Variants in LRRC8E observed in about 807,000 individuals in gnomAD.
LRRC8E encodes the protein leucine rich repeat containing 8 VRAC subunit E.
In LRRC8E, 6 loss-of-function variants were observed where a neutral mutation model predicts 6.1. That is an observed-to-expected ratio of 0.98 (90% confidence interval 0.54 to 1.93). The LOEUF is 1.93. Ranked by LOEUF, LRRC8E falls within the 30% of genes most tolerant of loss-of-function variation. The pLI is 0.01. For missense variants in LRRC8E, 1,028 were observed against 1,031.4 expected (o/e 1.00, Z 0.04); for synonymous variants, 485 against 472.8 (o/e 1.03, Z -0.33).
intron 2 of LRRC8E, 117 bp from the exon 3 acceptor site, chr19:7,898,544 A>C (rs1981727198): frequency 1.2e-6 from 1 of 854,866 alleles, no homozygotes; most frequent in Admixed American, 2.3e-5. Flanking sequence ...TTTTTAGTAG[A>C]GACAGGGTTT....
intron 1 of LRRC8E, among the ~76,000 whole-genome samples, chr19:7,890,511 C>T (rs986770551): frequency 3.3e-4 from 50 of 151,948 alleles, no homozygotes; most frequent in Admixed American, 2.1e-3. Flanking sequence ...CTGCTTCAGC[C>T]GGGCACGGTG....
chr19:7,891,541 G>GTGTGTGTA (rs1224502466), intron 1 of LRRC8E, among the ~76,000 whole-genome samples: 1 of 128,348 alleles, frequency 7.8e-6, no homozygotes, highest in Non-Finnish European at 1.8e-5. Flanking sequence ...GTGTGTGTGT[G>GTGTGTGTA]TGTGTTTGTG....
Position 7,899,935 on chromosome 19 carries a change from C to G in LRRC8E, c.1413C>G (p.Pro471=). 2 of 1,608,762 alleles carry G rather than the reference C, an allele frequency of 1.2e-6. No individual in the cohort carries two copies. The highest frequency in any genetic ancestry group is 1.7e-6 in the Non-Finnish European group (2 of 1,179,954). ...AGGAGCTCAGCTTGCTCCACTCGCC[C>G]GCCAGGCTACCCTTCTCCTTGCAGG... ...HLQELSLLHS[P]ARLPFSLQVF... Residue 471 remains proline, a synonymous_variant, in exon 3 of 3, where the codon CCC becomes CCG. Coordinates refer to ENST00000306708, the MANE Select transcript of LRRC8E (RefSeq NM_025061.6).
At position 7,895,683 on chromosome 19, in the gene LRRC8E, T is replaced by C; in HGVS notation, c.80T>C (p.Leu27Pro). The change falls in exon 2 of 3, where the codon CTG (leucine) becomes CCG (proline). Residue 27 changes from leucine (L) to proline (P), a missense_variant. By Grantham distance (98) the Leu-to-Pro change is moderately conservative. Coordinates refer to ENST00000306708, the MANE Select transcript of LRRC8E (RefSeq NM_025061.6). This position sits in a 1 kb window ranked among gnomAD's most constrained non-coding sequence, Gnocchi z 4.7. ...GTGCTCAAACCCTGGTGGGACGTGCTGGCCGAGTACCTCACCGTGGCCATG... is the reference window on the plus strand; with the variant it reads ...GTGCTCAAACCCTGGTGGGACGTGCCGGCCGAGTACCTCACCGTGGCCATG... ...FKVLKPWWDV[L>P]AEYLTVAMLM... is the part of the protein sequence containing the mutation. 6.2e-7 allele frequency: 1 copy of C among 1,614,122 alleles called. No homozygotes were observed. Among genetic ancestry groups the C allele is most frequent in the Non-Finnish European group, 8.5e-7 (1 of 1,179,974 alleles).
intron 2 of LRRC8E, among the ~76,000 whole-genome samples, chr19:7,898,080 C>T (rs531949450): frequency 2.8e-4 from 43 of 151,930 alleles, no homozygotes; most frequent in East Asian, 9.7e-4. Flanking sequence ...CGTGGTAGTG[C>T]GTGCTTGTAG....
In LRRC8E at chr19:7,900,612, T is replaced by C. The variant is rs746693332; in HGVS notation, c.2090T>C (p.Leu697Pro). The change falls in exon 3 of 3, where the codon CTC (leucine) becomes CCC (proline). Residue 697 changes from leucine (L) to proline (P), a missense_variant. By Grantham distance (98) the Leu-to-Pro change is moderately conservative. Coordinates refer to ENST00000306708, the MANE Select transcript of LRRC8E (RefSeq NM_025061.6). The surrounding 1 kb of genome is among the most constrained non-coding windows in gnomAD (Gnocchi z 5.0). The stretch of plus-strand genomic sequence containing the variant: ...CACTCCCTGCCACCCGAGGTGGGCC[T>C]CCTGCAGAACCTACAGCACCTGGCC... ...GLHSLPPEVGLLQNLQHLALS... is the reference protein window; with the variant it reads ...GLHSLPPEVGPLQNLQHLALS... The C allele has an allele frequency of 3.7e-6, 6 of 1,613,330 alleles. No individual in the cohort carries two copies. The Admixed American group carries it at 8.3e-5, about 22-fold the overall frequency.
In LRRC8E at chr19:7,899,984, G is replaced by A. The variant is rs369029634; in HGVS notation, c.1462G>A (p.Val488Met). 40 of 1,609,512 alleles carry A rather than the reference G, an allele frequency of 2.5e-5. No homozygotes were observed. The highest frequency in any genetic ancestry group is 3.3e-5 in the Non-Finnish European group (39 of 1,179,736). ...LQVFLRDHLK[V>M]MRVKCEELRE... is the part of the protein sequence containing the mutation. ...GGTCTTCCTGCGGGACCACCTGAAG[G>A]TGATGCGCGTCAAATGCGAGGAGCT... The change falls in exon 3 of 3, where the codon GTG becomes ATG. Residue 488 changes from valine (V) to methionine (M), a missense_variant. Coordinates refer to ENST00000306708, the MANE Select transcript of LRRC8E (RefSeq NM_025061.6).
chr19:7,890,524 G>C (rs920082289), intron 1 of LRRC8E, among the ~76,000 whole-genome samples: 2 of 151,916 alleles, frequency 1.3e-5, no homozygotes, highest in African/African-American at 4.8e-5. Flanking sequence ...GCACGGTGGC[G>C]CACGCCTGTA....
intron 2 of LRRC8E, among the ~76,000 whole-genome samples, chr19:7,896,237 AC>A (rs1389490245): frequency 7.0e-6 from 1 of 143,822 alleles, no homozygotes; most frequent in Non-Finnish European, 1.5e-5. Context: ...ACTGCACCTG[AC>A]CCTTTCTTTT....
Position 7,900,960 on chromosome 19 carries a change from C to T in LRRC8E, c.*47C>T, listed in dbSNP as rs573789777. 129 of 1,446,790 alleles carry T rather than the reference C, an allele frequency of 8.9e-5. No individual in the cohort carries two copies. The highest frequency in any genetic ancestry group is 5.0e-4 in the Middle Eastern group (2 of 4,014). The allele number at this position is 1,446,790 out of a possible 1,614,324, so 89.6% of individuals were successfully genotyped here. A position where few individuals can be genotyped will look rare whatever the true frequency, so the allele number is the denominator to read the frequency against. Reference sequence around the variant, plus strand: ...GGTAGAGCCTTAAAAATGCTTCTGCCCTGGAATCTCAACCATTGTCTTCCA... The same window carrying T: ...GGTAGAGCCTTAAAAATGCTTCTGCTCTGGAATCTCAACCATTGTCTTCCA... On this transcript the variant is annotated 3_prime_UTR_variant, in exon 3 of 3. Transcript: ENST00000306708. This position sits in a 1 kb window ranked among gnomAD's most constrained non-coding sequence, Gnocchi z 5.0.
Position 7,900,232 on chromosome 19 carries a change from C to T in LRRC8E, c.1710C>T (p.Ala570=). 1 of 1,613,226 alleles carries T rather than the reference C, an allele frequency of 6.2e-7. No homozygotes were observed. Among genetic ancestry groups the T allele is most frequent in the Non-Finnish European group, 8.5e-7 (1 of 1,180,026 alleles). Residue 570 remains alanine (A), a synonymous_variant, in exon 3 of 3, where the codon GCC becomes GCT. Transcript: ENST00000306708. This position sits in a 1 kb window ranked among gnomAD's most constrained non-coding sequence, Gnocchi z 5.0. ...GGCTCAGCCTGCACAACGATGGGGCCCGTCTGGTTGCCCTGAACAGCCTCA... is the reference window on the plus strand; with the variant it reads ...GGCTCAGCCTGCACAACGATGGGGCTCGTCTGGTTGCCCTGAACAGCCTCA... The part of the protein sequence containing the change: ...LQRLSLHNDG[A]RLVALNSLKK...
rs1338628874 is a variant in LRRC8E, at chr19:7,900,817, C to A, written c.2295C>A (p.Gly765=). 6.3e-7 allele frequency: 1 copy of A among 1,595,068 alleles called. No homozygotes were observed. The highest frequency in any genetic ancestry group is 1.1e-5 in the South Asian group (1 of 89,266). Residue 765 remains glycine, a synonymous_variant, in exon 3 of 3, where the codon GGC becomes GGA. Coordinates refer to ENST00000306708, the MANE Select transcript of LRRC8E (RefSeq NM_025061.6). The surrounding 1 kb of genome is among the most constrained non-coding windows in gnomAD (Gnocchi z 5.0). ...NRLEALPEEL[G]NCGGLKKAGL... The stretch of plus-strand genomic sequence containing the variant: ...TAGAGGCGCTGCCAGAAGAACTTGG[C>A]AACTGTGGGGGGCTCAAGAAGGCGG...
rs1444704663 is a variant in LRRC8E, at chr19:7,899,580, T to TG, written c.1063dup (p.Asp355GlyfsTer4). ...CGTTCCGTGCGGGAGGAGACTGGCA[T>TG]GGGGGACATTCCTGACGTCAAGAAT... On this transcript the variant is annotated frameshift_variant, in exon 3 of 3. Coordinates refer to ENST00000306708, the MANE Select transcript of LRRC8E (RefSeq NM_025061.6). LOFTEE classifies it low-confidence loss of function (END_TRUNC). 1.2e-6 allele frequency: 2 copies of TG among 1,613,704 alleles called. No individual in the cohort carries two copies. The highest frequency in any genetic ancestry group is 3.3e-5 in the Admixed American group (2 of 60,000).
chr19:7,898,897 C>G lies in LRRC8E; in HGVS notation c.375C>G (p.His125Gln). ...AKYFPYLVVI[H>Q]TLIFMVCTSF... ...ACTTCCCTTACCTCGTGGTCATTCA[C>G]ACACTCATCTTCATGGTCTGCACCA... is the stretch of plus-strand genomic sequence containing the variant. Residue 125 changes from histidine to glutamine, a missense_variant, in exon 3 of 3, where the codon CAC becomes CAG. His to Gln is a conservative substitution (Grantham distance 24). Transcript: ENST00000306708. 4 of 1,614,262 alleles carry G rather than the reference C, an allele frequency of 2.5e-6. No homozygotes were observed. Among genetic ancestry groups the G allele is most frequent in the Non-Finnish European group, 3.4e-6 (4 of 1,180,056 alleles).
intron 1 of LRRC8E, among the ~76,000 whole-genome samples, chr19:7,894,579 G>A (rs894094250): frequency 9.9e-5 from 15 of 152,190 alleles, no homozygotes; most frequent in Non-Finnish European, 5.9e-5. Flanking sequence ...AGGAGTGGGG[G>A]AACTTGGATG....
rs546411720 is a variant in LRRC8E at position 7,895,164 on chromosome 19, G to T, written c.-5-435G>T. ...TTGGAACGCTTTCAGGCCTGGTGGCGGTGGGAGCCGGGGCTGGCCCAGACG... is the reference window on the plus strand; with the variant it reads ...TTGGAACGCTTTCAGGCCTGGTGGCTGTGGGAGCCGGGGCTGGCCCAGACG... On this transcript the variant is annotated intron_variant, in intron 1 of 2. Coordinates refer to ENST00000306708, the MANE Select transcript of LRRC8E (RefSeq NM_025061.6). This position sits in a 1 kb window ranked among gnomAD's most constrained non-coding sequence, Gnocchi z 4.7. 5 of 160,766 alleles carry T rather than the reference G, an allele frequency of 3.1e-5. No individual in the cohort carries two copies. The East Asian group carries it at 8.6e-4, about 28-fold the overall frequency. 10.0% of individuals were successfully genotyped at this position (160,766 alleles called of 1,614,324 possible).
intron 1 of LRRC8E, among the ~76,000 whole-genome samples, chr19:7,890,078 C>A (rs1282246111): frequency 1.3e-5 from 2 of 151,352 alleles, no homozygotes; most frequent in Non-Finnish European, 2.9e-5. Context: ...AAAGGTTGGG[C>A]CTTGTTTTCT....
chr19:7,893,080 C>T (rs530757877), intron 1 of LRRC8E, among the ~76,000 whole-genome samples: 18 of 152,288 alleles, frequency 1.2e-4, no homozygotes, highest in African/African-American at 4.1e-4. Flanking sequence ...AATCTCAGCT[C>T]ACTGCAACCT....
In LRRC8E at chr19:7,895,784, G is replaced by A. The variant is rs1181417003; in HGVS notation, c.138+43G>A. 2 of 1,597,992 alleles carry A rather than the reference G, an allele frequency of 1.3e-6. No homozygotes were observed. The highest frequency in any genetic ancestry group is 3.4e-5 in the Admixed American group (2 of 59,656). On this transcript the variant is annotated intron_variant, in intron 2 of 2. Coordinates refer to ENST00000306708, the MANE Select transcript of LRRC8E (RefSeq NM_025061.6). This position sits in a 1 kb window ranked among gnomAD's most constrained non-coding sequence, Gnocchi z 4.7. ...CAAGGGGGTGTGACCAGAGGGGCGG[G>A]GCAGGTGTCTGGGGAAGTCGGGAAG...
Sources: allele counts gnomAD v4.1 joint callset (sites outside exome capture counted in the v4.1 genomes callset), GRCh38; gene constraint gnomAD v4.1.1; non-coding constraint Gnocchi (gnomAD v3.1); transcripts MANE v1.5; gene names NCBI Gene and HGNC (gene_info 2026-07-23, HGNC 2026-07-21).